NCKAP5: variants seen among roughly 807,000 people sequenced by gnomAD.
NCKAP5 encodes the protein nck-associated protein 5.
NCKAP5 carries 92 observed loss-of-function variants against 167.0 expected under a neutral mutation model. The ratio of observed to expected loss-of-function variants is 0.55; its 90% CI spans 0.47 to 0.66. The LOEUF is 0.66. Ranked by LOEUF, NCKAP5 falls within the 30% of genes least tolerant of loss-of-function variation. NCKAP5 has a pLI of 0.00. For missense variants in NCKAP5, 2,378 were observed against 2,315.0 expected (o/e 1.03, Z -0.56); for synonymous variants, 891 against 877.4 (o/e 1.02, Z -0.27).
intron 4 of NCKAP5, among the ~76,000 whole-genome samples, chr2:133,292,513 A>T (rs1484275731): frequency 6.6e-6 from 1 of 152,226 alleles, no homozygotes; most frequent in East Asian, 1.9e-4. Context: ...AATTTCAGAT[A>T]AATAAATCAC....
rs1165811543 is a variant in NCKAP5, at chr2:133,316,449, A to C, written c.70-13339T>G. On this transcript the variant is annotated intron_variant, in intron 3 of 19. Transcript: ENST00000409261. The stretch of plus-strand genomic sequence containing the variant: ...CAAGAGGACCGTCAAACTATTTAAA[A>C]ATTTTGTTTCGTTTTTATATTTATC... 2.0e-5 allele frequency among the ~76,000 whole-genome samples: 3 copies of C among 152,136 alleles called. No individual in the cohort carries two copies. In the East Asian group the frequency reaches 5.8e-4, roughly 29 times the overall value.
intron 18 of NCKAP5, among the ~76,000 whole-genome samples, chr2:132,726,835 C>T (rs954751518): frequency 2.0e-5 from 3 of 152,166 alleles, no homozygotes; most frequent in African/African-American, 2.4e-5. Context: ...GAGCTTAATA[C>T]TGGAGATACC....
At chr2:132,798,533 T>C (rs1255665299) in intron 11 of NCKAP5, among the ~76,000 whole-genome samples, 2 of 152,186 alleles carry the variant, frequency 1.3e-5, no homozygotes, top group African/African-American at 4.8e-5. Flanking sequence ...GAGGCCTCAA[T>C]GGATTAGCTA....
chr2:133,102,488 T>C (rs1019048717), intron 6 of NCKAP5, among the ~76,000 whole-genome samples: 2 of 152,126 alleles, frequency 1.3e-5, no homozygotes, highest in African/African-American at 2.4e-5. Flanking sequence ...GGAAATGACA[T>C]AGGTCAAAGC....
chr2:133,377,392 G>C (rs72989647), intron 3 of NCKAP5, among the ~76,000 whole-genome samples: 2,468 of 152,296 alleles, frequency 0.016, 66 homozygotes, highest in African/African-American at 0.055. Flanking sequence ...GACAGAGCAA[G>C]CTTCTTGAAT....
chr2:132,915,609 G>A (rs1694805936), intron 8 of NCKAP5: 2 of 152,206 alleles, frequency 1.3e-5, no homozygotes, highest in African/African-American at 2.4e-5. Context: ...GCCCCGAGTA[G>A]CAGTCACAGA....
intron 4 of NCKAP5, among the ~76,000 whole-genome samples, chr2:133,223,320 T>C (rs1375318026): frequency 6.6e-6 from 1 of 152,150 alleles, no homozygotes; most frequent in Non-Finnish European, 1.5e-5. Context: ...AAGAGCCCGG[T>C]GGCGATCTGG....
intron 3 of NCKAP5, among the ~76,000 whole-genome samples, chr2:133,495,210 T>C (rs570460849): frequency 6.6e-6 from 1 of 152,296 alleles, no homozygotes; most frequent in South Asian, 2.1e-4. Context: ...ATAAAATGTA[T>C]AAAACCAAGC....
intron 4 of NCKAP5, among the ~76,000 whole-genome samples, chr2:133,272,093 T>G (rs555964395): frequency 9.9e-5 from 15 of 151,912 alleles, no homozygotes; most frequent in African/African-American, 3.6e-4. Flanking sequence ...TTAGAAAAAT[T>G]TAGAACTTGA....
intron 5 of NCKAP5, among the ~76,000 whole-genome samples, chr2:133,206,167 A>G (rs920139659): frequency 2.6e-5 from 4 of 152,192 alleles, no homozygotes; most frequent in African/African-American, 9.7e-5. Flanking sequence ...TACAATGTTT[A>G]CTAAAGATTC....
intron 4 of NCKAP5, among the ~76,000 whole-genome samples, chr2:133,247,828 C>A (rs761010459): frequency 6.6e-6 from 1 of 152,124 alleles, no homozygotes; most frequent in African/African-American, 2.4e-5. Flanking sequence ...TTTTCTATTG[C>A]GGCTACTTCA....
intron 6 of NCKAP5, among the ~76,000 whole-genome samples, chr2:133,073,456 T>C (rs555193368): frequency 1.3e-5 from 2 of 152,276 alleles, no homozygotes; most frequent in South Asian, 4.1e-4. Context: ...ATGTAGACCA[T>C]CGTGCAAGTC....
At chr2:133,650,826 G>A in the NCKAP5 span, among the ~76,000 whole-genome samples, 10 of 152,166 alleles carry the variant, frequency 6.6e-5, no homozygotes, top group African/African-American at 2.4e-4. Flanking sequence ...AGACTGCAGT[G>A]CGCTGAGATT....
At chr2:133,286,457 T>C (rs1469456376) in intron 4 of NCKAP5, among the ~76,000 whole-genome samples, 3 of 152,220 alleles carry the variant, frequency 2.0e-5, no homozygotes, top group South Asian at 2.1e-4. Context: ...TGCCCTTTCC[T>C]GAAATAATGA....
chr2:133,388,027 C>A (rs1468494994), intron 3 of NCKAP5, among the ~76,000 whole-genome samples: 1 of 152,220 alleles, frequency 6.6e-6, no homozygotes, highest in South Asian at 2.1e-4. Context: ...TCATCTGAAG[C>A]CTTCTTCTCT....
chr2:133,654,455 T>C, the NCKAP5 span, among the ~76,000 whole-genome samples: 5 of 152,138 alleles, frequency 3.3e-5, no homozygotes, highest in Non-Finnish European at 5.9e-5. Context: ...ATGACATAAA[T>C]AGAAGTTCCT....
intron 5 of NCKAP5, among the ~76,000 whole-genome samples, chr2:133,151,880 C>A (rs2083396952): frequency 1.3e-5 from 2 of 152,044 alleles, no homozygotes; most frequent in Middle Eastern, 3.4e-3. Flanking sequence ...GGTGGGGGGA[C>A]CTCACTTGAG....
At chr2:133,087,087 A>C (rs1269908068) in intron 6 of NCKAP5, among the ~76,000 whole-genome samples, 2 of 152,210 alleles carry the variant, frequency 1.3e-5, no homozygotes, top group African/African-American at 4.8e-5. Context: ...CTCTGAGTTT[A>C]ATTAAAAGTC....
At chr2:133,425,397 C>A (rs961546963) in intron 3 of NCKAP5, among the ~76,000 whole-genome samples, 2 of 152,048 alleles carry the variant, frequency 1.3e-5, no homozygotes, top group African/African-American at 2.4e-5. Context: ...CGTGAAACAT[C>A]CTTGGAAAGT....
Sources: allele counts gnomAD v4.1 joint callset (sites outside exome capture counted in the v4.1 genomes callset), GRCh38; gene constraint gnomAD v4.1.1; transcripts MANE v1.5; gene names NCBI Gene and HGNC (gene_info 2026-07-23, HGNC 2026-07-21).